LARP1B: variants seen among roughly 807,000 people sequenced by gnomAD.
LARP1B encodes the protein la-related protein 1B.
In LARP1B, 76 loss-of-function variants were observed where a neutral mutation model predicts 114.2. The observed-to-expected ratio is 0.67, with a 90% CI of 0.55 to 0.81. The LOEUF is 0.81. Ranked by LOEUF, LARP1B falls within the 30% of genes least tolerant of loss-of-function variation. The probability of loss-of-function intolerance (pLI) is 0.00; values close to 1 mark genes in which losing one functional copy is unlikely to be tolerated. For missense variants in LARP1B, 1,014 were observed against 1,075.8 expected, an observed-to-expected ratio of 0.94 and a Z score of 0.80; for synonymous variants, 345 against 348.0, an observed-to-expected ratio of 0.99 and a Z score of 0.10.
At chr4:128,152,643 G>T (rs1044883053) in intron 11 of LARP1B, among the ~76,000 whole-genome samples, 2 of 151,148 alleles carry the variant, frequency 1.3e-5, no homozygotes, top group Non-Finnish European at 2.9e-5. Context: ...CTATAAAGAA[G>T]AACTTTCCTC....
chr4:128,146,595 C>T (rs532537309), intron 11 of LARP1B, among the ~76,000 whole-genome samples: 100 of 152,108 alleles, frequency 6.6e-4, no homozygotes, highest in African/African-American at 2.3e-3. Flanking sequence ...GTTAGGAAAT[C>T]GGTCTTGCTA....
intron 8 of LARP1B, among the ~76,000 whole-genome samples, chr4:128,105,187 G>C (rs750829116): frequency 4.6e-5 from 7 of 152,038 alleles, no homozygotes; most frequent in Non-Finnish European, 8.8e-5. Flanking sequence ...GCAAGATGTA[G>C]AATACTTTCA....
intron 8 of LARP1B, 31 bp from the exon 9 acceptor site, chr4:128,107,108 A>G: frequency 6.3e-7 from 1 of 1,580,322 alleles, no homozygotes; most frequent in Non-Finnish European, 8.7e-7. Context: ...GAAATAGCTC[A>G]TAATTTTAAT....
chr4:128,143,216 T>C (rs1344782248), intron 11 of LARP1B, among the ~76,000 whole-genome samples: 1 of 151,958 alleles, frequency 6.6e-6, no homozygotes, highest in African/African-American at 2.4e-5. Flanking sequence ...ACCCGGGAGG[T>C]GGAGGTTGCA....
At chr4:128,074,901 T>C in intron 2 of LARP1B, 33 bp from the exon 3 acceptor site, 2 of 1,450,010 alleles carry the variant, frequency 1.4e-6, no homozygotes, top group Non-Finnish European at 1.9e-6. Context: ...CTAAAAGTAA[T>C]TTCAGACCTA....
At chr4:128,107,685 T>C in intron 9 of LARP1B, 1 of 1,435,114 alleles carries the variant, frequency 7.0e-7, no homozygotes, top group Non-Finnish European at 9.1e-7. Context: ...TGGGGTAGTC[T>C]TCCTTTAATT....
intron 8 of LARP1B, among the ~76,000 whole-genome samples, chr4:128,100,086 A>C (rs1779746486): frequency 6.6e-6 from 1 of 151,748 alleles, no homozygotes; most frequent in Admixed American, 6.6e-5. Context: ...CAGCCTCCCA[A>C]GTATCTGGGA....
At chr4:128,094,895 G>A (rs1777334054) in intron 7 of LARP1B, among the ~76,000 whole-genome samples, 1 of 151,996 alleles carries the variant, frequency 6.6e-6, no homozygotes, top group Non-Finnish European at 1.5e-5. Flanking sequence ...GGGATTACAG[G>A]CACGCAACAC....
intron 12 of LARP1B, among the ~76,000 whole-genome samples, chr4:128,173,890 A>G (rs1310298912): frequency 6.6e-6 from 1 of 152,234 alleles, no homozygotes; most frequent in African/African-American, 2.4e-5. Flanking sequence ...CCATCATACT[A>G]AAGAGTTCCT....
At chr4:128,073,483 C>G (rs912279617) in intron 1 of LARP1B, among the ~76,000 whole-genome samples, 4 of 125,462 alleles carry the variant, frequency 3.2e-5, no homozygotes, top group East Asian at 4.6e-4. Flanking sequence ...ATACTCTTAC[C>G]AACAGCAAAC....
intron 11 of LARP1B, chr4:128,123,099 G>A: frequency 1.0e-6 from 1 of 985,400 alleles, no homozygotes; most frequent in East Asian, 1.1e-4. Context: ...GGGACTGCCT[G>A]TCGGTGGGGC....
At chr4:128,111,366 T>C (rs1361658335) in intron 9 of LARP1B, among the ~76,000 whole-genome samples, 1 of 152,062 alleles carries the variant, frequency 6.6e-6, no homozygotes, top group Non-Finnish European at 1.5e-5. Flanking sequence ...CTTTTAAGGC[T>C]TTATTTAATA....
At chr4:128,101,438 G>C (rs1013906249) in intron 8 of LARP1B, among the ~76,000 whole-genome samples, 2 of 151,838 alleles carry the variant, frequency 1.3e-5, no homozygotes, top group Non-Finnish European at 2.9e-5. Context: ...ATAATGATTT[G>C]TTGGTGTATA....
intron 8 of LARP1B, among the ~76,000 whole-genome samples, chr4:128,101,564 T>A (rs1015608067): frequency 6.6e-6 from 1 of 151,686 alleles, no homozygotes; most frequent in Non-Finnish European, 1.5e-5. Context: ...AAAATTAGTT[T>A]TTTTTTTTTT....
At chr4:128,212,527 A>G (rs538634892), downstream of LARP1B, among the ~76,000 whole-genome samples, 1 of 152,112 alleles carries the variant, frequency 6.6e-6, no homozygotes, top group East Asian at 1.9e-4. Flanking sequence ...CATGTCTGTA[A>G]TCTCAGCTAC....
chr4:128,098,290 G>C lies in LARP1B; in HGVS notation c.773G>C (p.Arg258Pro). The C allele has an allele frequency of 2.5e-6, 4 of 1,613,836 alleles. No individual in the cohort carries two copies. The highest frequency in any genetic ancestry group is 3.4e-6 in the Non-Finnish European group (4 of 1,179,822). The change falls in exon 8 of 20, where the codon CGT (arginine) becomes CCT (proline). Residue 258 changes from arginine to proline, a missense_variant. Arg to Pro is a moderately radical substitution (Grantham distance 103, BLOSUM62 -2). Coordinates refer to ENST00000326639, the MANE Select transcript of LARP1B (RefSeq NM_018078.4). Reference protein sequence around the residue: ...LPISLIAGFQRVQALTTNLNL... With the variant: ...LPISLIAGFQPVQALTTNLNL... Reference sequence around the variant, plus strand: ...ATTTCCCTGATTGCTGGTTTTCAGCGTGTTCAGGCTCTCACTACAAACCTT... The same window carrying C: ...ATTTCCCTGATTGCTGGTTTTCAGCCTGTTCAGGCTCTCACTACAAACCTT...
chr4:128,076,211 G>T (rs1767800871), intron 3 of LARP1B, among the ~76,000 whole-genome samples: 1 of 151,832 alleles, frequency 6.6e-6, no homozygotes, highest in Non-Finnish European at 1.5e-5. Context: ...ACAGGGTTTC[G>T]CCATGTTGGT....
Position 128,105,600 on chromosome 4 carries a change from TC to T in LARP1B, c.814-1535del, listed in dbSNP as rs1418116679. On this transcript the variant is annotated intron_variant, in intron 8 of 19. Transcript: ENST00000326639. ...AAGTCCTAATTGTAATTTAAAGGAATCCCCAATTATGGCCAGGCGTGGTGTT... is the reference window on the plus strand; with the variant it reads ...AAGTCCTAATTGTAATTTAAAGGAATCCCAATTATGGCCAGGCGTGGTGTT... Among the ~76,000 whole-genome samples the T allele has an allele frequency of 9.8e-5, 15 of 152,288 alleles. No individual in the cohort carries two copies. The South Asian group carries it at 2.9e-3, about 29-fold the overall frequency.
chr4:128,171,937 A>G (rs947050930), intron 12 of LARP1B, among the ~76,000 whole-genome samples: 13 of 149,648 alleles, frequency 8.7e-5, no homozygotes, highest in African/African-American at 2.2e-4. Flanking sequence ...TTCATCTGAC[A>G]TTTACAGCAA....
Sources: allele counts gnomAD v4.1 joint callset (sites outside exome capture counted in the v4.1 genomes callset), GRCh38; gene constraint gnomAD v4.1.1; transcripts MANE v1.5; gene names NCBI Gene and HGNC (gene_info 2026-07-23, HGNC 2026-07-21).